SAMMSON: variants seen among roughly 807,000 people sequenced by gnomAD.
SAMMSON encodes survival associated mitochondrial melanoma specific oncogenic non-coding RNA, also known as long intergenic non-protein coding RNA 1212.
chr3:70,311,422 G>A (rs757092992), intron 7 of SAMMSON, among the ~76,000 whole-genome samples: 4 of 152,162 alleles, frequency 2.6e-5, no homozygotes, highest in South Asian at 2.1e-4. Context: ...GCCCATGGCC[G>A]ACAGCATTCT....
chr3:70,428,713 G>A (rs181526447), intron 2 of SAMMSON, among the ~76,000 whole-genome samples: 97 of 152,252 alleles, frequency 6.4e-4, no homozygotes, highest in African/African-American at 2.2e-3. Flanking sequence ...GGAAATAGTT[G>A]TGGAGTGTAT....
At chr3:70,381,076 G>A (rs1029170286) in intron 9 of SAMMSON, among the ~76,000 whole-genome samples, 15 of 152,264 alleles carry the variant, frequency 9.9e-5, no homozygotes, top group African/African-American at 3.6e-4. Flanking sequence ...AGACTGCTGT[G>A]TCAAATGAAT....
At chr3:70,254,813 G>T (rs527366754) in intron 6 of SAMMSON, among the ~76,000 whole-genome samples, 1 of 152,204 alleles carries the variant, frequency 6.6e-6, no homozygotes, top group South Asian at 2.1e-4. Context: ...TTCTATACAA[G>T]ATTTATGCAT....
chr3:70,218,274 G>A lies in SAMMSON; in HGVS notation n.508-30833G>A, dbSNP rs183002454. On this transcript the variant is annotated intron_variant and non_coding_transcript_variant, in intron 4 of 9. Coordinates refer to ENST00000642114, the Ensembl canonical transcript of SAMMSON. ...TAACTATTTCTGCATGTTTTATAAC[G>A]TATAGTACAGTGAATATGGTAGCAT... 2.2e-4 allele frequency among the ~76,000 whole-genome samples: 33 copies of A among 152,212 alleles called. 1 individual carries two copies. The highest frequency in any genetic ancestry group is 1.2e-3 in the East Asian group (6 of 5,160).
At chr3:70,030,508 A>T (rs545608135) in intron 3 of SAMMSON, 2 of 152,314 alleles carry the variant, frequency 1.3e-5, no homozygotes, top group East Asian at 3.9e-4. Flanking sequence ...ACATGCTATT[A>T]GGTGATTCTA....
At chr3:70,072,788 G>A (rs764398281) in intron 4 of SAMMSON, 1 of 151,822 alleles carries the variant, frequency 6.6e-6, no homozygotes, top group Non-Finnish European at 1.5e-5. Context: ...AACTACTTAG[G>A]TAAATTTATT....
chr3:70,002,791 G>A (rs1274014682), intron 1 of SAMMSON, among the ~76,000 whole-genome samples: 1 of 152,022 alleles, frequency 6.6e-6, no homozygotes, highest in Non-Finnish European at 1.5e-5. Flanking sequence ...ATCAATTGTG[G>A]TTACATTTTA....
At chr3:70,307,868 A>G (rs1232864111) in intron 7 of SAMMSON, among the ~76,000 whole-genome samples, 3 of 152,162 alleles carry the variant, frequency 2.0e-5, no homozygotes, top group Non-Finnish European at 2.9e-5. Context: ...CCGTATATGA[A>G]TAATCAGCCA....
intron 4 of SAMMSON, among the ~76,000 whole-genome samples, chr3:70,119,539 A>G (rs1163651873): frequency 6.6e-6 from 1 of 152,248 alleles, no homozygotes; most frequent in Non-Finnish European, 1.5e-5. Context: ...TGGGAATGAC[A>G]TTCAGGAAAA....
intron 7 of SAMMSON, among the ~76,000 whole-genome samples, chr3:70,334,631 C>T (rs1301343857): frequency 6.6e-6 from 1 of 152,110 alleles, no homozygotes; most frequent in South Asian, 2.1e-4. Context: ...TGGCACTGTG[C>T]TAGGCTCTAT....
At chr3:70,128,681 C>A (rs1363969436) in intron 4 of SAMMSON, among the ~76,000 whole-genome samples, 4 of 152,178 alleles carry the variant, frequency 2.6e-5, no homozygotes, top group Admixed American at 2.0e-4. Flanking sequence ...TTGTCTGACT[C>A]TTTAAGAAAG....
chr3:70,272,087 TAAC>T (rs1701981168), intron 6 of SAMMSON: 1 of 152,292 alleles, frequency 6.6e-6, no homozygotes, highest in African/African-American at 2.4e-5. Flanking sequence ...TTTAAGGAAA[TAAC>T]AACAATCCCC....
intron 2 of SAMMSON, among the ~76,000 whole-genome samples, chr3:70,396,154 A>G (rs1312680398): frequency 1.3e-5 from 2 of 152,158 alleles, no homozygotes; most frequent in African/African-American, 4.8e-5. Flanking sequence ...TCAATAAATG[A>G]TGACTCTTAT....
chr3:70,182,048 C>A (rs1701056756), intron 4 of SAMMSON, among the ~76,000 whole-genome samples: 1 of 152,042 alleles, frequency 6.6e-6, no homozygotes, highest in Non-Finnish European at 1.5e-5. Flanking sequence ...AATGAATGTC[C>A]AGGATGCTCC....
At chr3:70,315,395 A>G (rs1702487695) in intron 7 of SAMMSON, among the ~76,000 whole-genome samples, 1 of 152,178 alleles carries the variant, frequency 6.6e-6, no homozygotes, top group South Asian at 2.1e-4. Context: ...CATTTTTCAA[A>G]GTTAGACAAA....
At chr3:70,370,382 C>T (rs1702957793) in intron 9 of SAMMSON, among the ~76,000 whole-genome samples, 1 of 151,972 alleles carries the variant, frequency 6.6e-6, no homozygotes, top group Admixed American at 6.6e-5. Context: ...CGAGAAATCT[C>T]CATACGGTTT....
chr3:70,124,691 T>C (rs1467554697), intron 4 of SAMMSON, among the ~76,000 whole-genome samples: 1 of 151,424 alleles, frequency 6.6e-6, no homozygotes, highest in African/African-American at 2.4e-5. Flanking sequence ...GGCGGGCGCC[T>C]GTAGTCCCAG....
chr3:70,344,218 TA>T (rs1399387277), intron 7 of SAMMSON, among the ~76,000 whole-genome samples: 1 of 152,130 alleles, frequency 6.6e-6, no homozygotes. Flanking sequence ...CACACCTCCC[TA>T]TCCCATACCT....
chr3:70,167,893 G>C (rs185143838), intron 4 of SAMMSON, among the ~76,000 whole-genome samples: 17 of 151,934 alleles, frequency 1.1e-4, no homozygotes, highest in Admixed American at 1.1e-3. Context: ...AGGATTGCTT[G>C]AACAGCTTGT....
Sources: allele counts gnomAD v4.1 joint callset (sites outside exome capture counted in the v4.1 genomes callset), GRCh38; gene constraint gnomAD v4.1.1; transcripts MANE v1.5; gene names NCBI Gene and HGNC (gene_info 2026-07-23, HGNC 2026-07-21).